The following SCRG1 variants were observed in gnomAD, a reference collection of about 807,000 sequenced individuals.
SCRG1 encodes scrapie-responsive protein 1.
A neutral mutation model predicts 7.7 loss-of-function variants in SCRG1; 3 were observed. The ratio of observed to expected loss-of-function variants is 0.39; its 90% CI spans 0.18 to 1.01. The LOEUF (loss-of-function observed/expected upper bound fraction) is 1.01, where lower values mean the gene tolerates loss of function less well. Ranked by LOEUF, SCRG1 falls within the 50% of genes least tolerant of loss-of-function variation. SCRG1 has a pLI of 0.36. For missense variants in SCRG1, 110 were observed against 117.2 expected, an observed-to-expected ratio of 0.94 and a Z score of 0.28; for synonymous variants, 46 against 41.2, an observed-to-expected ratio of 1.12 and a Z score of -0.44.
the SCRG1 span, among the ~76,000 whole-genome samples, chr4:173,476,414 C>T: frequency 7.1e-6 from 1 of 141,338 alleles, no homozygotes. Context: ...GAAATAAAGG[C>T]CTCATAAGGA....
At chr4:173,484,270 T>G in the SCRG1 span, among the ~76,000 whole-genome samples, 5 of 97,032 alleles carry the variant, frequency 5.2e-5, no homozygotes, top group East Asian at 1.7e-3. Context: ...ATATATATTT[T>G]ATATATCATA....
the SCRG1 span, among the ~76,000 whole-genome samples, chr4:173,483,305 T>A: frequency 3.5e-5 from 2 of 57,654 alleles, no homozygotes; most frequent in African/African-American, 7.8e-5. Flanking sequence ...TATGATATAT[T>A]ATATATTACA....
At chr4:173,473,515 G>A in the SCRG1 span, among the ~76,000 whole-genome samples, 3 of 152,188 alleles carry the variant, frequency 2.0e-5, no homozygotes, top group Admixed American at 6.5e-5. Context: ...GCTGTTGGAG[G>A]GTGGGAGAAG....
chr4:173,390,472 GTTTT>G (rs1157046793), intron 2 of SCRG1, among the ~76,000 whole-genome samples: 2 of 115,456 alleles, frequency 1.7e-5, no homozygotes. Flanking sequence ...GTTGTTGTTC[GTTTT>G]TTTTTTTTTT....
At chr4:173,483,787 TATCA>T in the SCRG1 span, among the ~76,000 whole-genome samples, 8 of 78,944 alleles carry the variant, frequency 1.0e-4, 3 homozygotes, top group Non-Finnish European at 1.7e-4. Flanking sequence ...ATATATCATA[TATCA>T]TATATATGAT....
chr4:173,451,625 ACTTACTTAT>A, the SCRG1 span, among the ~76,000 whole-genome samples: 1 of 45,588 alleles, frequency 2.2e-5, no homozygotes, highest in Non-Finnish European at 6.3e-5. Flanking sequence ...ATTTTATTTT[ACTTACTTAT>A]TTTATTTATT....
At chr4:173,464,679 T>C in the SCRG1 span, among the ~76,000 whole-genome samples, 2 of 152,308 alleles carry the variant, frequency 1.3e-5, no homozygotes, top group East Asian at 1.9e-4. Context: ...AAAGACAGTT[T>C]GGCAGTTTCT....
upstream of SCRG1, among the ~76,000 whole-genome samples, chr4:173,408,801 G>A (rs189278353): frequency 2.0e-4 from 31 of 152,034 alleles, no homozygotes; most frequent in East Asian, 6.0e-3. Flanking sequence ...AGACCATCCT[G>A]GCTAACACGG....
chr4:173,504,188 C>A, the SCRG1 span, among the ~76,000 whole-genome samples: 1 of 152,096 alleles, frequency 6.6e-6, no homozygotes, highest in Non-Finnish European at 1.5e-5. This position sits in a 1 kb window ranked among gnomAD's most constrained non-coding sequence, Gnocchi z 4.7. Context: ...GAATCCATTT[C>A]TTTTTGGTCT....
upstream of SCRG1, among the ~76,000 whole-genome samples, chr4:173,399,949 G>A (rs1739717138): frequency 6.6e-6 from 1 of 152,180 alleles, no homozygotes; most frequent in Non-Finnish European, 1.5e-5. Context: ...CAACTTCGGA[G>A]ATTATAGGTG....
At chr4:173,409,588 CTT>C (rs372218375), upstream of SCRG1, among the ~76,000 whole-genome samples, 14 of 133,276 alleles carry the variant, frequency 1.1e-4, no homozygotes, top group Admixed American at 2.3e-4. Context: ...TCCCTGCATA[CTT>C]TTTTTTTTTT....
At chr4:173,448,368 C>T in the SCRG1 span, among the ~76,000 whole-genome samples, 7 of 152,216 alleles carry the variant, frequency 4.6e-5, no homozygotes, top group African/African-American at 1.4e-4. Context: ...AGTGCTCCAA[C>T]CCTATGACAT....
the SCRG1 span, among the ~76,000 whole-genome samples, chr4:173,440,718 A>C: frequency 6.6e-6 from 1 of 152,256 alleles, no homozygotes; most frequent in Non-Finnish European, 1.5e-5. Context: ...AGTTCTGGAG[A>C]CTGGAAGTTC....
chr4:173,505,594 T>C, the SCRG1 span, among the ~76,000 whole-genome samples: 1 of 152,122 alleles, frequency 6.6e-6, no homozygotes, highest in African/African-American at 2.4e-5. The surrounding 1 kb of genome is among the most constrained non-coding windows in gnomAD (Gnocchi z 4.4). Context: ...CAAACCACAA[T>C]TGCCTCCTGC....
chr4:173,438,658 T>A, the SCRG1 span, among the ~76,000 whole-genome samples: 1 of 152,102 alleles, frequency 6.6e-6, no homozygotes, highest in African/African-American at 2.4e-5. Flanking sequence ...AAATGTTTGA[T>A]GGGATTCTAA....
At chr4:173,458,712 C>A in the SCRG1 span, among the ~76,000 whole-genome samples, 33 of 152,030 alleles carry the variant, frequency 2.2e-4, no homozygotes, top group African/African-American at 7.5e-4. Flanking sequence ...CATAAAATAA[C>A]CAGAAAACAA....
chr4:173,450,408 C>A, the SCRG1 span, among the ~76,000 whole-genome samples: 1 of 152,158 alleles, frequency 6.6e-6, no homozygotes, highest in Admixed American at 6.5e-5. Flanking sequence ...ATCTCTGGAG[C>A]CTGATCCTGG....
chr4:173,419,507 A>G, the SCRG1 span: 1 of 752,316 alleles, frequency 1.3e-6, no homozygotes, highest in Non-Finnish European at 2.3e-6. Flanking sequence ...TTCTTCTATT[A>G]AGTAGCGCAG....
At chr4:173,416,911 AACACACACACACACACAC>A in the SCRG1 span, among the ~76,000 whole-genome samples, 6,818 of 125,232 alleles carry the variant, frequency 0.054, 314 homozygotes, top group African/African-American at 0.1. Flanking sequence ...CACACACCCA[AACACACACACACACACAC>A]ACACACACAC....
Sources: gnomAD v4.1 joint callset for allele counts (sites outside exome capture counted in the v4.1 genomes callset) on GRCh38, gnomAD v4.1.1 for gene constraint, Gnocchi (gnomAD v3.1) non-coding constraint, MANE v1.5 for transcripts, NCBI Gene and HGNC (gene_info 2026-07-23, HGNC 2026-07-21) for gene names.